The following KCNH7 variants were observed in gnomAD, a reference collection of about 807,000 sequenced individuals.
The protein encoded by KCNH7 is potassium voltage-gated channel subfamily H member 7.
A neutral mutation model predicts 120.8 loss-of-function variants in KCNH7; 49 were observed. The ratio of observed to expected loss-of-function variants is 0.41; its 90% CI spans 0.32 to 0.51. The LOEUF (loss-of-function observed/expected upper bound fraction) is 0.51, where lower values mean the gene tolerates loss of function less well. KCNH7 is among the 20% of genes least tolerant of loss of function. The probability of loss-of-function intolerance (pLI) is 0.38; values close to 1 mark genes in which losing one functional copy is unlikely to be tolerated. For missense variants in KCNH7, 1,097 were observed against 1,446.6 expected (o/e 0.76, Z 3.92); for synonymous variants, 547 against 516.1 (o/e 1.06, Z -0.81).
intron 6 of KCNH7, among the ~76,000 whole-genome samples, chr2:162,480,178 G>C (rs748586065): frequency 1.3e-5 from 2 of 151,846 alleles, no homozygotes; most frequent in African/African-American, 4.8e-5. Flanking sequence ...TTGAAATACT[G>C]CAATTTTAAA....
rs1574181530 is a variant in KCNH7 at position 162,621,477 on chromosome 2, A to G, written c.308-84397T>C. Among the ~76,000 whole-genome samples, 3 of 152,172 alleles carry G rather than the reference A, an allele frequency of 2.0e-5. 1 individual carries two copies. The South Asian group carries it at 6.2e-4, about 32-fold the overall frequency. On this transcript the variant is annotated intron_variant, in intron 2 of 15. Transcript: ENST00000332142. ...GCTGGAACCTTTTAACAGATATTGTAATCCTATAAGTACTTCTCTGGGGTT... is the reference window on the plus strand; with the variant it reads ...GCTGGAACCTTTTAACAGATATTGTGATCCTATAAGTACTTCTCTGGGGTT...
At chr2:162,793,831 T>A (rs2105524620) in intron 2 of KCNH7, among the ~76,000 whole-genome samples, 1 of 152,120 alleles carries the variant, frequency 6.6e-6, no homozygotes, top group African/African-American at 2.4e-5. Flanking sequence ...ATTTTTTAAC[T>A]TAGAGTTCAT....
Position 162,372,251 on chromosome 2 carries a change from G to T in KCNH7, c.3325-156C>A, listed in dbSNP as rs368729924. On this transcript the variant is annotated intron_variant, in intron 15 of 15. Coordinates refer to ENST00000332142, the MANE Select transcript of KCNH7 (RefSeq NM_033272.4). ...TTTCCCTCCTAAAATGAGTCAGGAC[G>T]TCGGAGATTGGTTATCAGTACAGAT... Among the ~76,000 whole-genome samples, 11 of 152,230 alleles carry T rather than the reference G, an allele frequency of 7.2e-5. No homozygotes were observed. The South Asian group carries it at 2.3e-3, about 32-fold the overall frequency.
At chr2:162,387,433 C>T (rs1362121922) in intron 12 of KCNH7, among the ~76,000 whole-genome samples, 1 of 151,226 alleles carries the variant, frequency 6.6e-6, no homozygotes, top group African/African-American at 2.4e-5. Flanking sequence ...CTATTTTTGC[C>T]TTTTTCCAGT....
intron 2 of KCNH7, among the ~76,000 whole-genome samples, chr2:162,607,659 TA>T: frequency 6.6e-6 from 1 of 152,138 alleles, no homozygotes; most frequent in East Asian, 1.9e-4. Flanking sequence ...AATTAACAAG[TA>T]ATCATTAAAG....
At chr2:162,714,411 T>C (rs772855876) in intron 2 of KCNH7, among the ~76,000 whole-genome samples, 3 of 151,972 alleles carry the variant, frequency 2.0e-5, no homozygotes, top group Non-Finnish European at 2.9e-5. Context: ...GGGAGGAAAA[T>C]AAGGTATGTA....
chr2:162,435,950 T>C (rs190350335), intron 7 of KCNH7, among the ~76,000 whole-genome samples: 88 of 152,254 alleles, frequency 5.8e-4, no homozygotes, highest in African/African-American at 1.8e-3. Context: ...AGGCTGATAT[T>C]ATAGTGTTAA....
chr2:162,520,783 T>C (rs1432879099), intron 3 of KCNH7, among the ~76,000 whole-genome samples: 8 of 151,554 alleles, frequency 5.3e-5, no homozygotes, highest in Admixed American at 5.3e-4. Context: ...GAAAGAAAAA[T>C]TAATATATGA....
rs186411293 is a variant in KCNH7 at position 162,723,317 on chromosome 2, C to A, written c.307+113220G>T. On this transcript the variant is annotated intron_variant, in intron 2 of 15. Coordinates refer to ENST00000332142, the MANE Select transcript of KCNH7 (RefSeq NM_033272.4). ...CAGCCCAGACAGAAACTCCACAGGC[C>A]TCTCAAATCCTCTCTTGTGCATGTT... Among the ~76,000 whole-genome samples the A allele has an allele frequency of 1.3e-4, 20 of 152,156 alleles. 1 individual carries two copies. The highest frequency in any genetic ancestry group is 7.9e-4 in the Admixed American group (12 of 15,262).
chr2:162,629,800 T>A (rs1683700771), intron 2 of KCNH7, among the ~76,000 whole-genome samples: 1 of 152,094 alleles, frequency 6.6e-6, no homozygotes, highest in Non-Finnish European at 1.5e-5. Flanking sequence ...GTGAGCTGAT[T>A]ATCAAATGTT....
At chr2:162,820,145 T>G (rs996671922) in intron 2 of KCNH7, among the ~76,000 whole-genome samples, 1 of 147,464 alleles carries the variant, frequency 6.8e-6, no homozygotes, top group Non-Finnish European at 1.5e-5. Flanking sequence ...GTTCACGCCA[T>G]TCTCCTGCCT....
chr2:162,463,793 AAC>A (rs1438471670), intron 6 of KCNH7, among the ~76,000 whole-genome samples: 1 of 151,720 alleles, frequency 6.6e-6, no homozygotes, highest in African/African-American at 2.4e-5. Flanking sequence ...AATAAAAAAA[AAC>A]AACTATAACA....
At chr2:162,542,458 T>G (rs945465680) in intron 2 of KCNH7, among the ~76,000 whole-genome samples, 4 of 133,322 alleles carry the variant, frequency 3.0e-5, no homozygotes, top group Non-Finnish European at 6.3e-5. Flanking sequence ...TGTCCATGTG[T>G]TCTCACTGTT....
intron 3 of KCNH7, among the ~76,000 whole-genome samples, chr2:162,534,518 T>G (rs1200128306): frequency 6.6e-6 from 1 of 151,612 alleles, no homozygotes; most frequent in Non-Finnish European, 1.5e-5. Context: ...AAATAATTTC[T>G]AGGGAAATAA....
chr2:162,684,340 T>C (rs1207009026), intron 2 of KCNH7, among the ~76,000 whole-genome samples: 2 of 152,086 alleles, frequency 1.3e-5, no homozygotes, highest in Non-Finnish European at 2.9e-5. Flanking sequence ...AAAGCCAAAA[T>C]TGACGAATGA....
chr2:162,646,429 C>T (rs573959200), intron 2 of KCNH7, among the ~76,000 whole-genome samples: 7 of 152,312 alleles, frequency 4.6e-5, no homozygotes, highest in African/African-American at 1.7e-4. Flanking sequence ...ACGGCCCCTT[C>T]CCTCAAAGAT....
At chr2:162,470,838 G>T (rs1281709824) in intron 6 of KCNH7, among the ~76,000 whole-genome samples, 1 of 152,214 alleles carries the variant, frequency 6.6e-6, no homozygotes, top group Non-Finnish European at 1.5e-5. Context: ...GAGAAATTGG[G>T]TGGTTGCTGT....
At chr2:162,516,812 T>C (rs1211515868) in intron 4 of KCNH7, among the ~76,000 whole-genome samples, 1 of 151,782 alleles carries the variant, frequency 6.6e-6, no homozygotes, top group Non-Finnish European at 1.5e-5. Context: ...TTGTAGACTA[T>C]GGAGACAGGC....
intron 2 of KCNH7, among the ~76,000 whole-genome samples, chr2:162,677,163 T>C (rs1237388146): frequency 6.6e-6 from 1 of 151,462 alleles, no homozygotes; most frequent in Admixed American, 6.6e-5. Flanking sequence ...GCAGAAAATA[T>C]AGAGATTTGG....
Sources: allele counts gnomAD v4.1 joint callset (sites outside exome capture counted in the v4.1 genomes callset), GRCh38; gene constraint gnomAD v4.1.1; transcripts MANE v1.5; gene names NCBI Gene and HGNC (gene_info 2026-07-23, HGNC 2026-07-21).